The following SND1 variants were observed in gnomAD, a reference collection of about 807,000 sequenced individuals.
SND1 encodes staphylococcal nuclease domain-containing protein 1.
In SND1, 38 loss-of-function variants were observed where a neutral mutation model predicts 121.7. That is an observed-to-expected ratio of 0.31 (90% CI 0.24 to 0.41). SND1 has a LOEUF of 0.41. SND1 is among the 10% of genes least tolerant of loss of function. The probability of loss-of-function intolerance (pLI) is 1.00; values close to 1 mark genes in which losing one functional copy is unlikely to be tolerated. For missense variants in SND1, 868 were observed against 1,184.6 expected (o/e 0.73, Z 3.92); for synonymous variants, 401 against 447.4 (o/e 0.90, Z 1.31).
In SND1 at chr7:127,873,975, T is replaced by C. The variant is rs1030047731; in HGVS notation, c.1344-13927T>C. On this transcript the variant is annotated intron_variant, in intron 12 of 23. Transcript: ENST00000354725. ...TCACTGGAGCATCAGGCTTGGAAAA[T>C]AGATGGAGAACAGGGCTCCTGCAAA... Among the ~76,000 whole-genome samples, 7 of 152,130 alleles carry C rather than the reference T, an allele frequency of 4.6e-5. No homozygotes were observed. The South Asian group carries it at 8.3e-4, about 18-fold the overall frequency.
intron 1 of SND1, among the ~76,000 whole-genome samples, chr7:127,683,017 TTAAAG>T (rs1459446114): frequency 7.2e-5 from 11 of 152,296 alleles, no homozygotes; most frequent in African/African-American, 1.7e-4. Flanking sequence ...ACCCAGACAT[TTAAAG>T]TATTTTTCCC....
At chr7:127,974,125 T>C (rs1802061581) in intron 15 of SND1, among the ~76,000 whole-genome samples, 1 of 152,288 alleles carries the variant, frequency 6.6e-6, no homozygotes, top group African/African-American at 2.4e-5. Context: ...AGTGAGTGTT[T>C]AGCAAAAATG....
intron 10 of SND1, among the ~76,000 whole-genome samples, chr7:127,789,378 A>T (rs970829157): frequency 7.9e-5 from 12 of 152,236 alleles, no homozygotes; most frequent in Non-Finnish European, 1.5e-4. Flanking sequence ...CATAAATTAC[A>T]CATGCATAAA....
At chr7:127,889,529 C>T (rs975743287) in intron 13 of SND1, among the ~76,000 whole-genome samples, 1 of 151,986 alleles carries the variant, frequency 6.6e-6, no homozygotes, top group African/African-American at 2.4e-5. Flanking sequence ...TCTAGTTATA[C>T]TCTTTTAGTT....
At chr7:127,912,275 A>G (rs1029969798) in intron 14 of SND1, among the ~76,000 whole-genome samples, 5 of 152,196 alleles carry the variant, frequency 3.3e-5, no homozygotes, top group South Asian at 4.1e-4. Context: ...TCAAAATTTC[A>G]TTGCAGCAGG....
chr7:127,698,189 A>G (rs1796040831), intron 3 of SND1, among the ~76,000 whole-genome samples: 1 of 152,156 alleles, frequency 6.6e-6, no homozygotes, highest in Non-Finnish European at 1.5e-5. Context: ...TATGAGAGCA[A>G]GAGAAAGTCT....
chr7:127,758,639 G>T (rs1797242205), intron 10 of SND1, among the ~76,000 whole-genome samples: 1 of 152,114 alleles, frequency 6.6e-6, no homozygotes, highest in South Asian at 2.1e-4. Flanking sequence ...ATATGGTTTT[G>T]ATATTTAAAT....
At chr7:127,911,743 GCCCA>G (rs1800460452) in intron 14 of SND1, among the ~76,000 whole-genome samples, 1 of 151,974 alleles carries the variant, frequency 6.6e-6, no homozygotes, top group Non-Finnish European at 1.5e-5. Flanking sequence ...CTCATGATCT[GCCCA>G]CCTTGGCCTC....
At chr7:128,064,365 T>G in intron 16 of SND1, among the ~76,000 whole-genome samples, 1 of 152,046 alleles carries the variant, frequency 6.6e-6, no homozygotes, top group East Asian at 1.9e-4. Context: ...GAGACAAGTC[T>G]GGTACAGAGA....
chr7:128,010,521 G>A (rs932097016), intron 16 of SND1, among the ~76,000 whole-genome samples: 3 of 152,162 alleles, frequency 2.0e-5, no homozygotes, highest in Non-Finnish European at 4.4e-5. Flanking sequence ...CTGAGGCCAC[G>A]GAGAGGCTTC....
At chr7:127,773,471 TA>T (rs1363101486) in intron 10 of SND1, among the ~76,000 whole-genome samples, 1 of 151,960 alleles carries the variant, frequency 6.6e-6, no homozygotes, top group African/African-American at 2.4e-5. Context: ...AAAAAATTCT[TA>T]TTAATGAGAA....
rs1562896882 is a variant in SND1 at position 128,092,327 on chromosome 7, T to TA, written c.*269_*270insA. On this transcript the variant is annotated 3_prime_UTR_variant, in exon 24 of 24. Coordinates refer to ENST00000354725, the MANE Select transcript of SND1 (RefSeq NM_014390.4). The surrounding 1 kb of genome is among the most constrained non-coding windows in gnomAD (Gnocchi z 4.9). ...TTATTTGGAGGTTTGTGGGCTTTTT[T>TA]TAAAAAAAAAAAGTCCTCAAATCAG... The TA allele has an allele frequency of 4.6e-3, 2,016 of 441,974 alleles. 1 individual carries two copies. Among genetic ancestry groups the TA allele is most frequent in the Middle Eastern group, 0.018 (30 of 1,662 alleles). The allele number at this position is 441,974 out of a possible 1,614,324, so 27.4% of individuals were successfully genotyped here.
At chr7:127,974,749 CTT>C (rs971097864) in intron 15 of SND1, among the ~76,000 whole-genome samples, 1 of 152,198 alleles carries the variant, frequency 6.6e-6, no homozygotes, top group Non-Finnish European at 1.5e-5. Flanking sequence ...AAACACTTCT[CTT>C]GTTTTTGTTT....
At chr7:128,031,763 G>A (rs1272133407) in intron 16 of SND1, 1 of 144,952 alleles carries the variant, frequency 6.9e-6, no homozygotes, top group Admixed American at 6.8e-5. Context: ...AGCCCCCGGC[G>A]GCGCGCAACC....
chr7:127,667,510 T>C (rs1381408512), intron 1 of SND1, among the ~76,000 whole-genome samples: 1 of 152,190 alleles, frequency 6.6e-6, no homozygotes, highest in African/African-American at 2.4e-5. Flanking sequence ...GCCATTGTTA[T>C]TATGGCTAGT....
intron 12 of SND1, among the ~76,000 whole-genome samples, chr7:127,876,059 C>T (rs1392575109): frequency 2.0e-5 from 3 of 152,114 alleles, no homozygotes; most frequent in African/African-American, 4.8e-5. Flanking sequence ...GAATAGTGCT[C>T]AGTAAACTTT....
rs140683318 is a variant in SND1 at position 127,684,715 on chromosome 7, G to C, written c.79-1898G>C. ...TGGCTAGAAGTTTTAGGGTTTAATT[G>C]CTGATAACAGGATAAAAACGAAAAG... On this transcript the variant is annotated intron_variant, in intron 1 of 23. Transcript: ENST00000354725. Among the ~76,000 whole-genome samples the C allele has an allele frequency of 9.3e-4, 142 of 152,264 alleles. 1 individual carries two copies. Among genetic ancestry groups the C allele is most frequent in the Middle Eastern group, 3.4e-3 (1 of 294 alleles).
intron 13 of SND1, among the ~76,000 whole-genome samples, chr7:127,895,533 C>T (rs886625104): frequency 1.3e-5 from 2 of 152,064 alleles, no homozygotes; most frequent in African/African-American, 2.4e-5. Context: ...GTGTCACGAT[C>T]ATGAGGTTGC....
chr7:127,869,838 G>C (rs769572623), intron 12 of SND1, among the ~76,000 whole-genome samples: 1 of 152,074 alleles, frequency 6.6e-6, no homozygotes, highest in Non-Finnish European at 1.5e-5. Flanking sequence ...TCATCCCTCT[G>C]ACAACTGTTT....
Sources: gnomAD v4.1 joint callset for allele counts (sites outside exome capture counted in the v4.1 genomes callset) on GRCh38, gnomAD v4.1.1 for gene constraint, Gnocchi (gnomAD v3.1) non-coding constraint, MANE v1.5 for transcripts, NCBI Gene and HGNC (gene_info 2026-07-23, HGNC 2026-07-21) for gene names.